Variants in MYOF observed in about 807,000 individuals in gnomAD.
The protein encoded by MYOF is fer-1-like 3, myoferlin.
MYOF carries 244 observed loss-of-function variants against 284.2 expected under a neutral mutation model. The ratio of observed to expected loss-of-function variants is 0.86; its 90% CI spans 0.77 to 0.95. The LOEUF (loss-of-function observed/expected upper bound fraction) is 0.95. MYOF is among the 40% of genes least tolerant of loss of function. MYOF has a pLI of 0.00. For missense variants in MYOF, 2,496 were observed against 2,560.6 expected (o/e 0.97, Z 0.54); for synonymous variants, 904 against 919.7 (o/e 0.98, Z 0.31).
chr10:93,317,412 A>G (rs1309754617), intron 49 of MYOF, among the ~76,000 whole-genome samples: 1 of 151,836 alleles, frequency 6.6e-6, no homozygotes, highest in Admixed American at 6.6e-5. Context: ...CCGAGGGGGT[A>G]GATTACTTAA....
chr10:93,453,282 C>T (rs1297539352), intron 2 of MYOF, among the ~76,000 whole-genome samples: 2 of 152,184 alleles, frequency 1.3e-5, no homozygotes, highest in Admixed American at 6.5e-5. Flanking sequence ...TCTCCTGTCT[C>T]AGCCTCCCGA....
chr10:93,377,188 T>A, intron 22 of MYOF, 135 bp downstream of exon 22: 2 of 674,416 alleles, frequency 3.0e-6, no homozygotes, highest in Non-Finnish European at 2.5e-6. Flanking sequence ...CAGTGAGGAC[T>A]TTTTACGAAG....
chr10:93,412,709 A>G (rs1244858608), intron 5 of MYOF, among the ~76,000 whole-genome samples: 1 of 152,182 alleles, frequency 6.6e-6, no homozygotes, highest in Non-Finnish European at 1.5e-5. Context: ...AACTCATTAC[A>G]CAAAGTATAT....
intron 16 of MYOF, among the ~76,000 whole-genome samples, chr10:93,394,986 T>G (rs1846929079): frequency 6.6e-6 from 1 of 151,818 alleles, no homozygotes; most frequent in South Asian, 2.1e-4. Context: ...AACAATGTTT[T>G]TTCAAAACCT....
Position 93,373,027 on chromosome 10 carries a change from G to A in MYOF, c.2360C>T (p.Ala787Val). ...CTGATGTGCGGGAATTCGTGCATAG[G>A]CCAGTCTCTTCTCTCCCCGGATCAT... The part of the protein sequence containing the change: ...IWMIRGEKRL[A>V]YARIPAHQVL... Residue 787 changes from alanine to valine, a missense_variant, in exon 24 of 54, where the codon GCC (alanine) becomes GTC (valine). This residue lies in a region of MYOF where 2,436 missense variants were observed against 2,480.7 expected (regional missense o/e 0.98). Transcript: ENST00000359263. The A allele has an allele frequency of 6.2e-7, 1 of 1,614,130 alleles. No individual in the cohort carries two copies. Among genetic ancestry groups the A allele is most frequent in the Non-Finnish European group, 8.5e-7 (1 of 1,180,002 alleles).
chr10:93,376,809 C>CTTTT (rs1845857924), intron 22 of MYOF, among the ~76,000 whole-genome samples: 1 of 152,210 alleles, frequency 6.6e-6, no homozygotes, highest in Non-Finnish European at 1.5e-5. Context: ...GTCAAATCTA[C>CTTTT]TGGTTTTGCC....
chr10:93,454,903 T>C (rs2134318497), intron 2 of MYOF, among the ~76,000 whole-genome samples: 1 of 145,620 alleles, frequency 6.9e-6, no homozygotes, highest in South Asian at 2.2e-4. Flanking sequence ...CGCTTGGCCC[T>C]GGGAGATCGA....
At chr10:93,379,632 A>G (rs1239221769) in intron 21 of MYOF, among the ~76,000 whole-genome samples, 1 of 152,172 alleles carries the variant, frequency 6.6e-6, no homozygotes, top group Admixed American at 6.5e-5. Flanking sequence ...GCAGACAATG[A>G]TAACTCCTGA....
Position 93,452,088 on chromosome 10 carries a change from C to T in MYOF, c.198G>A (p.Gly66=). The part of the protein sequence containing the change: ...GIPLDFSSSL[G]IIVKDFETIG... ...TTGTCTCAAAATCTTTCACAATAAT[C>T]CCAAGGGAAGATGAAAAGTCCAGTG... is the stretch of plus-strand genomic sequence containing the variant. The change falls in exon 3 of 54, where the codon GGG becomes GGA. Residue 66 remains glycine (G), a synonymous_variant. Coordinates refer to ENST00000359263, the MANE Select transcript of MYOF (RefSeq NM_013451.4). The T allele has an allele frequency of 6.2e-7, 1 of 1,613,172 alleles. No homozygotes were observed. The highest frequency in any genetic ancestry group is 8.5e-7 in the Non-Finnish European group (1 of 1,179,778).
At chr10:93,424,651 A>T (rs997220253) in intron 5 of MYOF, among the ~76,000 whole-genome samples, 8 of 152,140 alleles carry the variant, frequency 5.3e-5, no homozygotes, top group Middle Eastern at 3.2e-3. Flanking sequence ...GAAGCCACCT[A>T]ACCCTCACTG....
At position 93,351,786 on chromosome 10, in the gene MYOF, G is replaced by T; in HGVS notation, c.3542C>A (p.Thr1181Asn). ...RSKTTEIIHS[T>N]LNPTWDQTII... ...TGTTTGGTCCCACGTGGGATTCAGG[G>T]TTGAATGGATGATCTCAGTGGTTTT... is the stretch of plus-strand genomic sequence containing the variant. The change falls in exon 33 of 54, where the codon ACC becomes AAC. Residue 1181 changes from threonine to asparagine, a missense_variant. Transcript: ENST00000359263. 6.3e-7 allele frequency: 1 copy of T among 1,596,868 alleles called. No individual in the cohort carries two copies. Among genetic ancestry groups the T allele is most frequent in the Non-Finnish European group, 8.5e-7 (1 of 1,176,110 alleles).
chr10:93,337,871 A>G lies in MYOF; in HGVS notation c.4381T>C (p.Ser1461Pro), dbSNP rs1272219790. The change falls in exon 40 of 54, where the codon TCA (serine) becomes CCA (proline). Residue 1461 changes from serine to proline, a missense_variant. Coordinates refer to ENST00000359263, the MANE Select transcript of MYOF (RefSeq NM_013451.4). ...VDWWSKFYASSGEHEKCGQYI... is the reference protein window; with the variant it reads ...VDWWSKFYASPGEHEKCGQYI... ...TGTCCGCATTTTTCATGTTCCCCTG[A>G]GGAAGCATAAAATTTACTCCACCAG... is the stretch of plus-strand genomic sequence containing the variant. The G allele has an allele frequency of 6.2e-7, 1 of 1,614,136 alleles. No individual in the cohort carries two copies. Among genetic ancestry groups the G allele is most frequent in the East Asian group, 2.2e-5 (1 of 44,882 alleles).
At chr10:93,338,389 T>A (rs1843712506) in intron 39 of MYOF, 1 of 456,564 alleles carries the variant, frequency 2.2e-6, no homozygotes, top group Non-Finnish European at 4.4e-6. Context: ...TTCCTTTATG[T>A]TATAAGCCAT....
chr10:93,406,402 G>T lies in MYOF; in HGVS notation c.730-2183C>A, dbSNP rs1419178407. 2.7e-5 allele frequency among the ~76,000 whole-genome samples: 4 copies of T among 147,458 alleles called. No individual in the cohort carries two copies. In the East Asian group the frequency reaches 6.2e-4, roughly 23 times the overall value. On this transcript the variant is annotated intron_variant, in intron 7 of 53. Transcript: ENST00000359263. ...GTACTGGACTTCTCTTTTGCCAAGA[G>T]GTCTAATCCCCCTCAAACTCATTAA...
At chr10:93,447,507 G>C (rs1473637554) in intron 3 of MYOF, among the ~76,000 whole-genome samples, 1 of 152,136 alleles carries the variant, frequency 6.6e-6, no homozygotes, top group Non-Finnish European at 1.5e-5. Flanking sequence ...AACTGCTTTT[G>C]TAACCAATTA....
chr10:93,459,420 C>T (rs1309802906), intron 1 of MYOF, among the ~76,000 whole-genome samples: 2 of 152,242 alleles, frequency 1.3e-5, no homozygotes, highest in African/African-American at 2.4e-5. Flanking sequence ...ACCACAGTGT[C>T]TCTAACCATT....
At chr10:93,389,217 T>C in intron 17 of MYOF, 63 bp from the exon 18 acceptor site, 4 of 1,510,798 alleles carry the variant, frequency 2.6e-6, no homozygotes, top group Non-Finnish European at 3.5e-6. Context: ...GAAATAAATA[T>C]TAGTTATTAG....
In MYOF at chr10:93,351,835, G is replaced by A. The variant is rs531896822; in HGVS notation, c.3493C>T (p.His1165Tyr). 1.3e-6 allele frequency: 2 copies of A among 1,584,402 alleles called. No homozygotes were observed. The highest frequency in any genetic ancestry group is 2.2e-5 in the East Asian group (1 of 44,774). ...DKDSFSDPYA[H>Y]ICFLHRSKTT... ...TTGCTCCGATGGAGGAAACAGATAT[G>A]AGCATATGGATCTAAAACAGAAAAA... The change falls in exon 33 of 54, where the codon CAT becomes TAT. Residue 1165 changes from histidine to tyrosine, a missense_variant. Physicochemically the swap from His to Tyr is moderately conservative, Grantham distance 83. Coordinates refer to ENST00000359263, the MANE Select transcript of MYOF (RefSeq NM_013451.4).
At chr10:93,430,016 C>T (rs1026117059) in intron 4 of MYOF, among the ~76,000 whole-genome samples, 3 of 151,394 alleles carry the variant, frequency 2.0e-5, no homozygotes, top group Non-Finnish European at 4.4e-5. Flanking sequence ...CTCACTGCAA[C>T]CTCGGCCTCC....
Sources: gnomAD v4.1 joint callset for allele counts (sites outside exome capture counted in the v4.1 genomes callset) on GRCh38, gnomAD v4.1.1 for gene constraint, gnomAD v4.1.1 regional missense constraint, MANE v1.5 for transcripts, NCBI Gene and HGNC (gene_info 2026-07-23, HGNC 2026-07-21) for gene names.